Variants in RPSA2 observed in about 807,000 individuals in gnomAD.
RPSA2 encodes the protein ribosomal protein SA 2.
At chr19:23,771,024 G>A in the RPSA2 span, among the ~76,000 whole-genome samples, 1 of 152,204 alleles carries the variant, frequency 6.6e-6, no homozygotes, top group African/African-American at 2.4e-5. Flanking sequence ...AGGAAAATGA[G>A]TAATATCCTG....
the RPSA2 span, among the ~76,000 whole-genome samples, chr19:23,866,522 C>CG: frequency 6.7e-6 from 1 of 149,062 alleles, no homozygotes; most frequent in Non-Finnish European, 1.5e-5. Context: ...TGCCCCCCCC[C>CG]GCCCAGTGGA....
chr19:23,765,545 CT>C, the RPSA2 span, among the ~76,000 whole-genome samples: 2 of 152,072 alleles, frequency 1.3e-5, no homozygotes, highest in African/African-American at 4.8e-5. Flanking sequence ...GAATAGAAAA[CT>C]AAATACCACA....
the RPSA2 span, among the ~76,000 whole-genome samples, chr19:23,805,121 GCACACACACACACACACA>G: frequency 0.95 from 141,899 of 149,660 alleles, 67,507 homozygotes; most frequent in Middle Eastern, 0.99. Flanking sequence ...AAAATAAAAA[GCACACACACACACACACA>G]CACACACACA....
the RPSA2 span, among the ~76,000 whole-genome samples, chr19:23,861,598 T>C: frequency 6.6e-6 from 1 of 152,176 alleles, no homozygotes; most frequent in Non-Finnish European, 1.5e-5. Context: ...AGCGTTCTGC[T>C]TTAGTGTCTT....
the RPSA2 span, among the ~76,000 whole-genome samples, chr19:23,773,328 G>A: frequency 6.6e-6 from 1 of 150,626 alleles, no homozygotes; most frequent in Non-Finnish European, 1.5e-5. Context: ...CTGTCACCCA[G>A]GCTGGAGTGC....
At chr19:23,803,041 T>TGA in the RPSA2 span, among the ~76,000 whole-genome samples, 1 of 152,014 alleles carries the variant, frequency 6.6e-6, no homozygotes, top group African/African-American at 2.4e-5. Flanking sequence ...GATATAACCT[T>TGA]GAGAGGGGAG....
At chr19:23,776,965 A>C in the RPSA2 span, among the ~76,000 whole-genome samples, 1 of 152,174 alleles carries the variant, frequency 6.6e-6, no homozygotes, top group Non-Finnish European at 1.5e-5. Flanking sequence ...CCTAGGTGAT[A>C]TCTTCCTGGG....
At chr19:23,761,930 T>TCTCTCTCTCTCTCTCTCTC in the RPSA2 span, among the ~76,000 whole-genome samples, 12 of 127,440 alleles carry the variant, frequency 9.4e-5, no homozygotes, top group African/African-American at 3.7e-4. Context: ...CTTTTTTTTT[T>TCTCTCTCTCTCTCTCTCTC]TTTTTGAGAT....
At chr19:23,828,038 G>T in the RPSA2 span, 71 of 643,950 alleles carry the variant, frequency 1.1e-4, 1 homozygote, top group African/African-American at 1.0e-3. Context: ...AGCAACCACT[G>T]ACTGGTCTTA....
chr19:23,764,525 G>A, the RPSA2 span, among the ~76,000 whole-genome samples: 6,149 of 152,228 alleles, frequency 0.04, 155 homozygotes, highest in Non-Finnish European at 0.055. Flanking sequence ...TGTTGCCCAT[G>A]CTGGAGTGCA....
the RPSA2 span, among the ~76,000 whole-genome samples, chr19:23,810,959 A>G: frequency 2.0e-5 from 3 of 151,568 alleles, no homozygotes; most frequent in African/African-American, 4.9e-5. Context: ...GGGCTTTAGC[A>G]GAGTTTCACA....
chr19:23,864,309 A>G, the RPSA2 span, among the ~76,000 whole-genome samples: 1 of 152,190 alleles, frequency 6.6e-6, no homozygotes. Flanking sequence ...TCAAACATGT[A>G]TTTCTTTATT....
the RPSA2 span, among the ~76,000 whole-genome samples, chr19:23,862,261 C>T: frequency 6.6e-6 from 1 of 151,878 alleles, no homozygotes; most frequent in Non-Finnish European, 1.5e-5. Flanking sequence ...TGCTTATCAG[C>T]TTAAGGAGAT....
At chr19:23,824,339 C>T in the RPSA2 span, among the ~76,000 whole-genome samples, 1 of 145,596 alleles carries the variant, frequency 6.9e-6, no homozygotes, top group Admixed American at 7.1e-5. Context: ...CGTCTTGTGA[C>T]CTTGTCATGT....
the RPSA2 span, among the ~76,000 whole-genome samples, chr19:23,785,731 G>A: frequency 2.6e-5 from 4 of 152,108 alleles, no homozygotes; most frequent in Non-Finnish European, 5.9e-5. Flanking sequence ...CCTGTTCACA[G>A]GTAGGATTGT....
At chr19:23,861,328 C>G in the RPSA2 span, among the ~76,000 whole-genome samples, 1 of 152,166 alleles carries the variant, frequency 6.6e-6, no homozygotes, top group Non-Finnish European at 1.5e-5. Context: ...AGTCCTTGAA[C>G]AGGGTTCAGC....
At chr19:23,789,867 A>C in the RPSA2 span, among the ~76,000 whole-genome samples, 1 of 152,036 alleles carries the variant, frequency 6.6e-6, no homozygotes, top group South Asian at 2.1e-4. Flanking sequence ...TAGTACAGAT[A>C]GGGTTTCACT....
the RPSA2 span, among the ~76,000 whole-genome samples, chr19:23,862,157 C>A: frequency 6.6e-6 from 1 of 152,084 alleles, no homozygotes; most frequent in Non-Finnish European, 1.5e-5. Context: ...TGGGAGTTCA[C>A]TCGTGATTTG....
the RPSA2 span, among the ~76,000 whole-genome samples, chr19:23,852,751 G>A: frequency 3.3e-5 from 5 of 152,348 alleles, no homozygotes; most frequent in African/African-American, 1.2e-4. Context: ...CTTGGGGCCA[G>A]TTTATGGCCA....
Sources: allele counts gnomAD v4.1 joint callset (sites outside exome capture counted in the v4.1 genomes callset), GRCh38; gene constraint gnomAD v4.1.1; transcripts MANE v1.5; gene names NCBI Gene and HGNC (gene_info 2026-07-23, HGNC 2026-07-21).